SMG6: variants seen among roughly 807,000 people sequenced by gnomAD.
SMG6 encodes the protein SMG6 nonsense mediated mRNA decay factor, also known as telomerase-binding protein EST1A.
Under a neutral mutation model 142.2 loss-of-function variants are expected in SMG6, and 66 were observed. That is an observed-to-expected ratio of 0.46 (90% CI 0.38 to 0.57). The LOEUF is 0.57. SMG6 is among the 20% of genes least tolerant of loss of function. The probability of loss-of-function intolerance (pLI) is 0.00; values close to 1 mark genes in which losing one functional copy is unlikely to be tolerated. For missense variants in SMG6, 1,793 were observed against 1,832.0 expected, an observed-to-expected ratio of 0.98 and a Z score of 0.39; for synonymous variants, 779 against 702.4, an observed-to-expected ratio of 1.11 and a Z score of -1.72.
rs988210223 is a variant in SMG6, at chr17:2,071,380, A to C, written c.3682-2449T>G. On this transcript the variant is annotated intron_variant, in intron 15 of 18. Coordinates refer to ENST00000263073, the MANE Select transcript of SMG6 (RefSeq NM_017575.5). This position sits in a 1 kb window ranked among gnomAD's most constrained non-coding sequence, Gnocchi z 5.6. ...CAGGTGGCTGAGGGATGCTGGGGACAAACTGAGCCTACCTGTGTGTTCTGA... is the reference window on the plus strand; with the variant it reads ...CAGGTGGCTGAGGGATGCTGGGGACCAACTGAGCCTACCTGTGTGTTCTGA... Among the ~76,000 whole-genome samples, 1 of 152,228 alleles carries C rather than the reference A, an allele frequency of 6.6e-6. No homozygotes were observed. Among genetic ancestry groups the C allele is most frequent in the African/African-American group, 2.4e-5 (1 of 41,454 alleles).
chr17:2,239,323 T>C (rs2073745963), intron 9 of SMG6, among the ~76,000 whole-genome samples: 1 of 152,136 alleles, frequency 6.6e-6, no homozygotes, highest in Non-Finnish European at 1.5e-5. Context: ...ATTATAAAAT[T>C]ATAGCCAAGA....
intron 8 of SMG6, among the ~76,000 whole-genome samples, chr17:2,266,611 G>A (rs2074427358): frequency 6.6e-6 from 1 of 152,262 alleles, no homozygotes; most frequent in Admixed American, 6.5e-5. Context: ...ACCAGCCTCA[G>A]CAGCACCCTG....
At chr17:2,095,874 A>T (rs1193614443) in intron 13 of SMG6, among the ~76,000 whole-genome samples, 2 of 113,748 alleles carry the variant, frequency 1.8e-5, no homozygotes, top group Non-Finnish European at 3.3e-5. Flanking sequence ...CACTACTGGC[A>T]CTTGTGGCTA....
At chr17:2,167,407 T>C (rs760507983) in intron 13 of SMG6, among the ~76,000 whole-genome samples, 2 of 152,108 alleles carry the variant, frequency 1.3e-5, no homozygotes, top group Non-Finnish European at 2.9e-5. Context: ...ATCTAATGTA[T>C]CAGGACAGCA....
intron 12 of SMG6, among the ~76,000 whole-genome samples, chr17:2,186,106 T>C (rs1441649699): frequency 6.6e-6 from 1 of 151,940 alleles, no homozygotes; most frequent in Non-Finnish European, 1.5e-5. Context: ...TGTGCACCTG[T>C]GGTCCCAGCT....
rs1445380133 is a variant in SMG6, at chr17:2,081,711, C to T, written c.3681+99G>A. ...GAGAGAACACTGCAGGACTGACTCA[C>T]TCTTAGTGTCCTGCTCAGCTCTGCT... On this transcript the variant is annotated intron_variant, in intron 15 of 18. Transcript: ENST00000263073. 2.1e-6 allele frequency: 3 copies of T among 1,395,956 alleles called. No homozygotes were observed. In the Admixed American group the frequency reaches 5.2e-5, roughly 24 times the overall value. 86.5% of individuals were successfully genotyped at this position (1,395,956 alleles called of 1,614,324 possible).
At chr17:2,181,564 G>A (rs935056878) in intron 12 of SMG6, among the ~76,000 whole-genome samples, 4 of 152,234 alleles carry the variant, frequency 2.6e-5, no homozygotes, top group African/African-American at 4.8e-5. Flanking sequence ...CCACAGCTAC[G>A]GTAACGTATT....
At chr17:2,087,075 C>G (rs749708053) in intron 13 of SMG6, 6 of 1,290,376 alleles carry the variant, frequency 4.6e-6, no homozygotes, top group East Asian at 1.1e-4. Context: ...AAGTACTAAC[C>G]TGGAGACTAC....
chr17:2,097,428 G>A (rs985724672), intron 13 of SMG6, among the ~76,000 whole-genome samples: 2 of 152,052 alleles, frequency 1.3e-5, no homozygotes, highest in African/African-American at 2.4e-5. Flanking sequence ...GAGTCACCAC[G>A]TCCAGCCAAT....
chr17:2,277,022 C>G (rs1344637686), intron 8 of SMG6, among the ~76,000 whole-genome samples: 2 of 152,090 alleles, frequency 1.3e-5, no homozygotes, highest in Non-Finnish European at 2.9e-5. Flanking sequence ...CTCAAGTGAT[C>G]CGCCTGCCTC....
chr17:2,230,767 A>G (rs1429202042), intron 10 of SMG6, among the ~76,000 whole-genome samples: 1 of 152,124 alleles, frequency 6.6e-6, no homozygotes, highest in Non-Finnish European at 1.5e-5. Context: ...TGAAGCATGC[A>G]TCCTTCTCTG....
At chr17:2,145,666 A>G (rs1230496924) in intron 13 of SMG6, among the ~76,000 whole-genome samples, 1 of 149,916 alleles carries the variant, frequency 6.7e-6, no homozygotes, top group Non-Finnish European at 1.5e-5. Flanking sequence ...AAAAAAAAAA[A>G]GCATATAGCT....
chr17:2,115,730 G>A (rs542516084), intron 13 of SMG6, among the ~76,000 whole-genome samples: 5 of 151,958 alleles, frequency 3.3e-5, no homozygotes, highest in East Asian at 3.9e-4. Flanking sequence ...TCTTTTTTGC[G>A]GGGGAGGTGG....
chr17:2,086,002 A>C, intron 13 of SMG6, 101 bp from the exon 14 acceptor site: 1 of 1,220,650 alleles, frequency 8.2e-7, no homozygotes, highest in Non-Finnish European at 1.2e-6. Context: ...AACTGTGTCA[A>C]AGCTACCAGG....
At chr17:2,135,996 ATGTGTGTGTGTGTGTGTGTGTGTGTGTG>A (rs545225787) in intron 13 of SMG6, among the ~76,000 whole-genome samples, 1 of 141,108 alleles carries the variant, frequency 7.1e-6, no homozygotes, top group Non-Finnish European at 1.5e-5. Context: ...ATATATATTT[ATGTGTGTGTGTGTGTGTGTGTGTGTGTG>A]TGTGTGTGTG....
intron 13 of SMG6, among the ~76,000 whole-genome samples, chr17:2,148,456 G>C (rs967925364): frequency 1.3e-5 from 2 of 152,254 alleles, no homozygotes; most frequent in Admixed American, 1.3e-4. Context: ...TTTGCCACGT[G>C]CTACGGCACG....
chr17:2,184,878 T>C (rs1163092323), intron 12 of SMG6, among the ~76,000 whole-genome samples: 1 of 137,004 alleles, frequency 7.3e-6, no homozygotes, highest in Non-Finnish European at 1.5e-5. Flanking sequence ...GGTAGGAGAA[T>C]AGCTTGAACT....
chr17:2,065,492 G>A lies in SMG6; in HGVS notation c.4023C>T (p.Arg1341=). ...RGNELESIAF[R]SEDITGQLGN... is the part of the protein sequence containing the mutation. Reference sequence around the variant, plus strand: ...CCAGCTGGCCAGTGATGTCCTCACTGCGGAAGGCGATGGATTCGAGTTCAT... The same window carrying A: ...CCAGCTGGCCAGTGATGTCCTCACTACGGAAGGCGATGGATTCGAGTTCAT... The change falls in exon 17 of 19, where the codon CGC becomes CGT. Residue 1341 remains arginine (R), a synonymous_variant. Coordinates refer to ENST00000263073, the MANE Select transcript of SMG6 (RefSeq NM_017575.5). 1 of 1,613,190 alleles carries A rather than the reference G, an allele frequency of 6.2e-7. No homozygotes were observed. Among genetic ancestry groups the A allele is most frequent in the Non-Finnish European group, 8.5e-7 (1 of 1,179,976 alleles).
At chr17:2,225,923 A>G (rs1291053254) in intron 10 of SMG6, among the ~76,000 whole-genome samples, 2 of 152,208 alleles carry the variant, frequency 1.3e-5, no homozygotes, top group Non-Finnish European at 2.9e-5. Context: ...ACCCGGAGAA[A>G]ATTTCTGCAA....
Sources: gnomAD v4.1 joint callset for allele counts (sites outside exome capture counted in the v4.1 genomes callset) on GRCh38, gnomAD v4.1.1 for gene constraint, Gnocchi (gnomAD v3.1) non-coding constraint, MANE v1.5 for transcripts, NCBI Gene and HGNC (gene_info 2026-07-23, HGNC 2026-07-21) for gene names.